Variants in DLC1 observed in about 807,000 individuals in gnomAD.
The protein encoded by DLC1 is rho GTPase-activating protein 7.
DLC1 carries 54 observed loss-of-function variants against 140.3 expected under a neutral mutation model. That is an observed-to-expected ratio of 0.38 (90% confidence interval 0.31 to 0.48). The LOEUF (loss-of-function observed/expected upper bound fraction) is 0.48, where lower values mean the gene tolerates loss of function less well. Ranked by LOEUF, DLC1 falls within the 20% of genes least tolerant of loss-of-function variation. DLC1 has a pLI of 0.96. For missense variants in DLC1, 2,536 were observed against 1,907.0 expected, an observed-to-expected ratio of 1.33 and a Z score of -6.14; for synonymous variants, 986 against 728.1, an observed-to-expected ratio of 1.35 and a Z score of -5.70.
intron 5 of DLC1, among the ~76,000 whole-genome samples, chr8:13,283,293 A>AACAC (rs58438325): frequency 0.047 from 6,772 of 145,054 alleles, 174 homozygotes; most frequent in African/African-American, 0.068. Flanking sequence ...ATCCTACTGA[A>AACAC]ACACACACAC....
intron 4 of DLC1, among the ~76,000 whole-genome samples, chr8:13,349,253 G>T (rs1476345870): frequency 1.3e-5 from 2 of 152,088 alleles, no homozygotes; most frequent in Non-Finnish European, 2.9e-5. Context: ...ACCTTTTGAA[G>T]ACCATCGTTA....
chr8:13,175,972 T>C (rs990749741), intron 5 of DLC1, among the ~76,000 whole-genome samples: 1 of 152,228 alleles, frequency 6.6e-6, no homozygotes, highest in Non-Finnish European at 1.5e-5. Flanking sequence ...TCATATAGTA[T>C]GTAGCACATC....
At chr8:13,404,199 G>A (rs1457880667) in intron 2 of DLC1, among the ~76,000 whole-genome samples, 1 of 152,098 alleles carries the variant, frequency 6.6e-6, no homozygotes, top group Non-Finnish European at 1.5e-5. Flanking sequence ...TTAGGAGCAG[G>A]AAATGGGTGG....
rs996872548 is a variant in DLC1 at position 13,445,371 on chromosome 8, C to G, written c.1024-43752G>C. Among the ~76,000 whole-genome samples, 3 of 152,096 alleles carry G rather than the reference C, an allele frequency of 2.0e-5. No homozygotes were observed. In the South Asian group the frequency reaches 6.2e-4, roughly 32 times the overall value. The stretch of plus-strand genomic sequence containing the variant: ...GGAAGCAGGAAACTCTAGGCACTAA[C>G]AAACAGAAGTCTGTACTTCAGAGAG... On this transcript the variant is annotated intron_variant, in intron 2 of 17. Transcript: ENST00000276297.
chr8:13,347,993 G>A (rs1245999592), intron 4 of DLC1, among the ~76,000 whole-genome samples: 1 of 152,108 alleles, frequency 6.6e-6, no homozygotes, highest in African/African-American at 2.4e-5. Context: ...GGAGGTGGAG[G>A]CAGGAGAATG....
chr8:13,552,288 G>T (rs944123948), intron 1 of DLC1, among the ~76,000 whole-genome samples: 7 of 148,750 alleles, frequency 4.7e-5, no homozygotes, highest in Non-Finnish European at 4.5e-5. Flanking sequence ...GTAGAACTTG[G>T]AAGTGAAATA....
chr8:13,276,665 T>A, intron 5 of DLC1: 1 of 1,086,546 alleles, frequency 9.2e-7, no homozygotes, highest in Non-Finnish European at 1.1e-6. Flanking sequence ...TCCGGAGGCG[T>A]CTCGCTTCCT....
chr8:13,323,649 A>G (rs1321281233), intron 4 of DLC1, among the ~76,000 whole-genome samples: 1 of 152,226 alleles, frequency 6.6e-6, no homozygotes. Flanking sequence ...CTTAGATTTT[A>G]CAATAAATAT....
intron 1 of DLC1, among the ~76,000 whole-genome samples, chr8:13,596,050 G>T (rs1419185303): frequency 1.3e-5 from 2 of 151,898 alleles, no homozygotes; most frequent in African/African-American, 4.8e-5. Flanking sequence ...ATATTTCTAT[G>T]AATTAAATAA....
intron 5 of DLC1, among the ~76,000 whole-genome samples, chr8:13,269,486 T>G (rs1047540002): frequency 2.6e-5 from 4 of 151,792 alleles, no homozygotes; most frequent in Non-Finnish European, 5.9e-5. Context: ...TAGTCCCAGC[T>G]GGGAGGATCA....
intron 5 of DLC1, among the ~76,000 whole-genome samples, chr8:13,293,945 C>T (rs1216591500): frequency 1.3e-5 from 2 of 151,992 alleles, no homozygotes; most frequent in Non-Finnish European, 2.9e-5. Context: ...AGTTCTGTAG[C>T]CAAAAAGGGT....
intron 2 of DLC1, among the ~76,000 whole-genome samples, chr8:13,424,100 A>G (rs1441315037): frequency 6.6e-6 from 1 of 152,192 alleles, no homozygotes; most frequent in East Asian, 1.9e-4. Flanking sequence ...TGAAAACAAA[A>G]ACACAGCAAC....
intron 5 of DLC1, among the ~76,000 whole-genome samples, chr8:13,286,595 A>G (rs576646561): frequency 6.6e-6 from 1 of 152,114 alleles, no homozygotes; most frequent in African/African-American, 2.4e-5. Context: ...AAGGCACAGA[A>G]TGCAACCTGA....
At chr8:13,104,929 A>G (rs911023273) in intron 7 of DLC1, among the ~76,000 whole-genome samples, 1 of 152,240 alleles carries the variant, frequency 6.6e-6, no homozygotes, top group Non-Finnish European at 1.5e-5. Context: ...AATTACTTAA[A>G]TGACTTACAC....
At chr8:13,437,233 A>T (rs533133405) in intron 2 of DLC1, among the ~76,000 whole-genome samples, 1 of 152,296 alleles carries the variant, frequency 6.6e-6, no homozygotes, top group South Asian at 2.1e-4. Flanking sequence ...ACATAAATCA[A>T]AGTAAAGTGC....
At chr8:13,117,045 T>A (rs1820614499) in intron 5 of DLC1, among the ~76,000 whole-genome samples, 1 of 152,246 alleles carries the variant, frequency 6.6e-6, no homozygotes, top group Non-Finnish European at 1.5e-5. Context: ...TTACTTTTTT[T>A]TCGTATGTGT....
intron 2 of DLC1, among the ~76,000 whole-genome samples, chr8:13,482,439 C>T (rs1489621545): frequency 2.6e-5 from 4 of 151,930 alleles, no homozygotes; most frequent in Non-Finnish European, 1.5e-5. Context: ...ATGAATAGAG[C>T]AATGCTGTCT....
chr8:13,451,038 A>C (rs1307823001), intron 2 of DLC1, among the ~76,000 whole-genome samples: 3 of 92,890 alleles, frequency 3.2e-5, no homozygotes, highest in African/African-American at 1.6e-4. Flanking sequence ...ACTCCGTCTC[A>C]AAAAAAAAAA....
chr8:13,456,667 C>T (rs1799403913), intron 2 of DLC1, among the ~76,000 whole-genome samples: 1 of 152,094 alleles, frequency 6.6e-6, no homozygotes, highest in African/African-American at 2.4e-5. Flanking sequence ...CCATGTGGGC[C>T]AGGCTGGTTT....
Sources: gnomAD v4.1 joint callset for allele counts (sites outside exome capture counted in the v4.1 genomes callset) on GRCh38, gnomAD v4.1.1 for gene constraint, MANE v1.5 for transcripts, NCBI Gene and HGNC (gene_info 2026-07-23, HGNC 2026-07-21) for gene names.